Variants in TMED3 observed in about 807,000 individuals in gnomAD.
TMED3 encodes transmembrane p24 trafficking protein 3.
Under a neutral mutation model 15.0 loss-of-function variants are expected in TMED3, and 9 were observed. The observed-to-expected ratio is 0.60, with a 90% CI of 0.36 to 1.04. The LOEUF (loss-of-function observed/expected upper bound fraction) is 1.04. Ranked by LOEUF, TMED3 falls within the 50% of genes least tolerant of loss-of-function variation. The pLI, the probability that TMED3 is intolerant of heterozygous loss-of-function variation, is 0.01. For synonymous variants in TMED3, 117 were observed against 121.4 expected (o/e 0.96, Z 0.24); for missense variants, 267 against 278.9 (o/e 0.96, Z 0.30).
At chr15:79,392,046 G>A (rs973792841) in intron 2 of TMED3, among the ~76,000 whole-genome samples, 8 of 152,136 alleles carry the variant, frequency 5.3e-5, no homozygotes, top group African/African-American at 1.4e-4. Context: ...CCGCAGTTCT[G>A]TATATTTTAA....
downstream of TMED3, among the ~76,000 whole-genome samples, chr15:79,325,844 G>T (rs1046289452): frequency 3.4e-4 from 52 of 152,316 alleles, no homozygotes; most frequent in African/African-American, 1.1e-3. Context: ...AAAGATGAAA[G>T]CCGGAAGACT....
chr15:79,314,822 G>A (rs944171483), intron 2 of TMED3, among the ~76,000 whole-genome samples: 1 of 152,094 alleles, frequency 6.6e-6, no homozygotes, highest in African/African-American at 2.4e-5. Flanking sequence ...ATCCTCCTTC[G>A]TCTGTCTTCC....
intron 2 of TMED3, among the ~76,000 whole-genome samples, chr15:79,404,545 T>TG (rs59545813): frequency 0.93 from 140,861 of 152,268 alleles, 65,414 homozygotes; most frequent in South Asian, 0.98. Context: ...GCATATTCTT[T>TG]GTGGGCATTC....
At chr15:79,355,739 A>G (rs2058916365) in intron 2 of TMED3, among the ~76,000 whole-genome samples, 1 of 152,182 alleles carries the variant, frequency 6.6e-6, no homozygotes, top group South Asian at 2.1e-4. Flanking sequence ...GGTGTGAGCC[A>G]TCAGGAAACC....
intron 2 of TMED3, among the ~76,000 whole-genome samples, chr15:79,406,178 G>A (rs1206223000): frequency 6.6e-6 from 1 of 152,192 alleles, no homozygotes; most frequent in African/African-American, 2.4e-5. Flanking sequence ...GAAGCCACTA[G>A]TATTTGCCAT....
chr15:79,388,939 G>T (rs367841178), intron 2 of TMED3, among the ~76,000 whole-genome samples: 2 of 123,368 alleles, frequency 1.6e-5, no homozygotes, highest in African/African-American at 5.4e-5. Flanking sequence ...TGATGAGATT[G>T]TTTTTTTTCT....
At chr15:79,359,264 GC>G (rs1487547820) in intron 2 of TMED3, among the ~76,000 whole-genome samples, 9 of 124,924 alleles carry the variant, frequency 7.2e-5, no homozygotes, top group Non-Finnish European at 1.1e-4. Flanking sequence ...ACGGAGTCTT[GC>G]TCTATTGCCC....
chr15:79,326,972 T>C (rs2058789762), downstream of TMED3, among the ~76,000 whole-genome samples: 1 of 152,210 alleles, frequency 6.6e-6, no homozygotes, highest in South Asian at 2.1e-4. Context: ...GGGAAGCCAG[T>C]GTACAGAGAT....
At chr15:79,353,254 A>T (rs1202194880) in intron 2 of TMED3, among the ~76,000 whole-genome samples, 1 of 40,044 alleles carries the variant, frequency 2.5e-5, no homozygotes, top group Admixed American at 4.4e-4. Flanking sequence ...TACTATATAT[A>T]ATATATATTA....
chr15:79,376,809 C>A (rs1444101162), intron 2 of TMED3, among the ~76,000 whole-genome samples: 1 of 152,078 alleles, frequency 6.6e-6, no homozygotes, highest in African/African-American at 2.4e-5. Flanking sequence ...GTTTGTTCCC[C>A]CTTCCTGGAA....
At chr15:79,391,061 T>C (rs1472875490) in intron 2 of TMED3, among the ~76,000 whole-genome samples, 5 of 152,064 alleles carry the variant, frequency 3.3e-5, no homozygotes, top group Admixed American at 3.3e-4. Context: ...CTTTTGTATT[T>C]TTTTTTTCAT....
Position 79,311,298 on chromosome 15 carries a change from C to T in TMED3, c.49C>T (p.Leu17Phe). 1 of 1,607,624 alleles carries T rather than the reference C, an allele frequency of 6.2e-7. No homozygotes were observed. The highest frequency in any genetic ancestry group is 1.1e-5 in the South Asian group (1 of 90,162). The change falls in exon 1 of 3, where the codon CTC (leucine) becomes TTC (phenylalanine). Residue 17 changes from leucine to phenylalanine, a missense_variant. Coordinates refer to ENST00000299705, the MANE Select transcript of TMED3 (RefSeq NM_007364.4). ...CGCCTCCGTGCTGCTTCTGCTGCTG[C>T]TCCTGCGCCGGGCCGAGCAGCCCTG... is the stretch of plus-strand genomic sequence containing the variant. ...RSASVLLLLL[L>F]LRRAEQPCGA... is the part of the protein sequence containing the mutation.
intron 2 of TMED3, among the ~76,000 whole-genome samples, chr15:79,367,177 G>A (rs1893252657): frequency 1.3e-5 from 2 of 152,142 alleles, no homozygotes; most frequent in South Asian, 2.1e-4. Flanking sequence ...ATCTCATATG[G>A]TGCCTAACAA....
intron 2 of TMED3, among the ~76,000 whole-genome samples, chr15:79,352,924 T>G (rs1460299713): frequency 8.3e-6 from 1 of 120,726 alleles, no homozygotes; most frequent in African/African-American, 3.3e-5. Context: ...ATATAAAATA[T>G]ATATAATATA....
intron 2 of TMED3, among the ~76,000 whole-genome samples, chr15:79,357,488 A>C (rs2058924145): frequency 6.9e-6 from 1 of 145,470 alleles, no homozygotes; most frequent in African/African-American, 2.5e-5. Context: ...AAAAAAAAGC[A>C]AGCACATTAT....
intron 2 of TMED3, among the ~76,000 whole-genome samples, chr15:79,358,538 T>C (rs558222249): frequency 6.6e-6 from 1 of 152,256 alleles, no homozygotes; most frequent in South Asian, 2.1e-4. Context: ...AGTCTGTCTC[T>C]TGTGACAGCC....
chr15:79,338,061 A>T (rs975405804), intron 2 of TMED3, among the ~76,000 whole-genome samples: 3 of 152,248 alleles, frequency 2.0e-5, no homozygotes, highest in Non-Finnish European at 4.4e-5. Context: ...ATGTGGTATC[A>T]CTTATATATC....
intron 2 of TMED3, among the ~76,000 whole-genome samples, chr15:79,332,648 A>T (rs1197565228): frequency 6.6e-6 from 1 of 152,216 alleles, no homozygotes; most frequent in Non-Finnish European, 1.5e-5. Context: ...TAAAACCGGC[A>T]GGCCCATTCT....
Position 79,357,760 on chromosome 15 carries a change from C to T in TMED3, c.417+43755C>T, listed in dbSNP as rs2141238672. Among the ~76,000 whole-genome samples the T allele has an allele frequency of 2.0e-5, 3 of 152,210 alleles. No individual in the cohort carries two copies. In the Middle Eastern group the frequency reaches 0.01, roughly 518 times the overall value. ...GTTGGAAGAACACTGGCTGGGAAAT[C>T]AGGAAGCATGGCTGTACTTCTTAGT... is the stretch of plus-strand genomic sequence containing the variant. On this transcript the variant is annotated intron_variant, in intron 2 of 2. Coordinates refer to the TMED3 transcript ENST00000424155.
Sources: gnomAD v4.1 joint callset for allele counts (sites outside exome capture counted in the v4.1 genomes callset) on GRCh38, gnomAD v4.1.1 for gene constraint, MANE v1.5 for transcripts, NCBI Gene and HGNC (gene_info 2026-07-23, HGNC 2026-07-21) for gene names.